Variants in PRIMPOL observed in about 807,000 individuals in gnomAD.
PRIMPOL encodes the protein primase and DNA directed polymerase.
PRIMPOL carries 54 observed loss-of-function variants against 63.6 expected under a neutral mutation model. That is an observed-to-expected ratio of 0.85 (90% CI 0.68 to 1.07). The LOEUF (loss-of-function observed/expected upper bound fraction) is 1.07, where lower values mean the gene tolerates loss of function less well. Among genes scored for constraint, PRIMPOL ranks in the 50% least tolerant of loss-of-function variants. The pLI is 0.00. For missense variants in PRIMPOL, 610 were observed against 648.3 expected (o/e 0.94, Z 0.64); for synonymous variants, 197 against 220.2 (o/e 0.89, Z 0.93).
Position 184,666,073 on chromosome 4 carries a change from A to C in PRIMPOL, c.556+9A>C. 1.3e-6 allele frequency: 2 copies of C among 1,579,208 alleles called. No individual in the cohort carries two copies. Among genetic ancestry groups the C allele is most frequent in the Non-Finnish European group, 1.7e-6 (2 of 1,165,992 alleles). On this transcript the variant is annotated intron_variant, in intron 6 of 13. Coordinates refer to ENST00000314970, the MANE Select transcript of PRIMPOL (RefSeq NM_152683.4). ...AGATAATATTCATGTTGGTAAGTAC[A>C]CGGCTTTTTAAAAATCATGGAGTTG... is the stretch of plus-strand genomic sequence containing the variant.
intron 8 of PRIMPOL, among the ~76,000 whole-genome samples, chr4:184,680,267 A>G (rs1313201212): frequency 2.0e-5 from 3 of 152,062 alleles, no homozygotes; most frequent in Non-Finnish European, 4.4e-5. Flanking sequence ...AGCTTACTGC[A>G]ACCTCTGCCT....
chr4:184,671,311 G>T (rs754803007), intron 6 of PRIMPOL, among the ~76,000 whole-genome samples: 2 of 152,148 alleles, frequency 1.3e-5, no homozygotes, highest in African/African-American at 2.4e-5. Flanking sequence ...TTTGCAGGGC[G>T]TGTCGTGGCA....
chr4:184,691,277 T>C, intron 11 of PRIMPOL: 1 of 466,208 alleles, frequency 2.1e-6, no homozygotes, highest in South Asian at 3.8e-5. Context: ...TACATCTTCC[T>C]GGGGGAACTT....
intron 4 of PRIMPOL, 143 bp downstream of exon 4, chr4:184,659,580 G>A (rs1747676305): frequency 1.5e-6 from 1 of 680,236 alleles, no homozygotes; most frequent in Admixed American, 2.8e-5. Context: ...GAATTCTGGA[G>A]TTTTCTTGTC....
intron 6 of PRIMPOL, among the ~76,000 whole-genome samples, chr4:184,667,402 C>G (rs1318271715): frequency 6.6e-6 from 1 of 152,088 alleles, no homozygotes; most frequent in Non-Finnish European, 1.5e-5. Context: ...CCTCCGCCTC[C>G]CGGGTTCAAG....
At chr4:184,650,733 A>G (rs1237390456) in intron 1 of PRIMPOL, among the ~76,000 whole-genome samples, 1 of 152,216 alleles carries the variant, frequency 6.6e-6, no homozygotes, top group African/African-American at 2.4e-5. Context: ...TCTGCATCAG[A>G]TTTCAAAAAG....
chr4:184,677,027 CCCCCTTCCCTTCCCTTCTCCCCTCCCCT>C (rs1194114552), intron 7 of PRIMPOL, among the ~76,000 whole-genome samples: 4 of 80,148 alleles, frequency 5.0e-5, no homozygotes, highest in Admixed American at 1.3e-4. Flanking sequence ...CTTCTCCCTT[CCCCCTTCCCTTCCCTTCTCCCCTCCCCT>C]TCCCCTTTCC....
At chr4:184,677,461 C>A (rs1434740879) in intron 7 of PRIMPOL, among the ~76,000 whole-genome samples, 1 of 152,138 alleles carries the variant, frequency 6.6e-6, no homozygotes, top group African/African-American at 2.4e-5. Flanking sequence ...TGTTTCTAGA[C>A]CCTGTTCTGC....
chr4:184,666,158 A>G (rs1749822430), intron 6 of PRIMPOL, 94 bp downstream of exon 6: 1 of 965,402 alleles, frequency 1.0e-6, no homozygotes, highest in Non-Finnish European at 1.5e-6. Flanking sequence ...ATCAAGTTTT[A>G]TGGTCATTAA....
intron 7 of PRIMPOL, among the ~76,000 whole-genome samples, chr4:184,674,117 C>T (rs1752675161): frequency 6.6e-6 from 1 of 152,158 alleles, no homozygotes; most frequent in Non-Finnish European, 1.5e-5. Flanking sequence ...CACAGTACCC[C>T]AGGTCACAGC....
At chr4:184,679,682 G>T (rs1451748021) in intron 8 of PRIMPOL, among the ~76,000 whole-genome samples, 1 of 152,188 alleles carries the variant, frequency 6.6e-6, no homozygotes, top group African/African-American at 2.4e-5. Flanking sequence ...CAGGAGGTGA[G>T]CAGTAGGCGA....
chr4:184,671,867 C>T (rs572263650), intron 6 of PRIMPOL, among the ~76,000 whole-genome samples: 1 of 151,410 alleles, frequency 6.6e-6, no homozygotes, highest in African/African-American at 2.4e-5. Flanking sequence ...CTCAGCCTCC[C>T]AAGTAGCTGG....
chr4:184,683,593 C>T (rs965856998), intron 9 of PRIMPOL, among the ~76,000 whole-genome samples: 19 of 152,164 alleles, frequency 1.2e-4, no homozygotes, highest in Admixed American at 1.2e-3. Flanking sequence ...GCTATTTAAC[C>T]TAGAAGAGCG....
At chr4:184,671,926 G>A (rs982380312) in intron 6 of PRIMPOL, among the ~76,000 whole-genome samples, 1 of 151,772 alleles carries the variant, frequency 6.6e-6, no homozygotes, top group Non-Finnish European at 1.5e-5. Context: ...ATTTTTAGTA[G>A]AGACGGGGTT....
At chr4:184,661,540 T>A (rs1383250180) in intron 4 of PRIMPOL, among the ~76,000 whole-genome samples, 1 of 152,068 alleles carries the variant, frequency 6.6e-6, no homozygotes, top group African/African-American at 2.4e-5. Context: ...AAACCCTGTC[T>A]ACTAAAAATG....
At chr4:184,654,980 C>G (rs1472104256) in intron 2 of PRIMPOL, among the ~76,000 whole-genome samples, 1 of 151,582 alleles carries the variant, frequency 6.6e-6, no homozygotes, top group Non-Finnish European at 1.5e-5. Context: ...TGTTTTTTTT[C>G]TAACAAGGTC....
At chr4:184,668,367 G>A (rs1164071734) in intron 6 of PRIMPOL, among the ~76,000 whole-genome samples, 1 of 152,242 alleles carries the variant, frequency 6.6e-6, no homozygotes, top group Admixed American at 6.5e-5. Flanking sequence ...CAGTCAGCTG[G>A]CTAGAGTGCG....
At chr4:184,659,118 A>G (rs962526709) in intron 3 of PRIMPOL, among the ~76,000 whole-genome samples, 7 of 152,176 alleles carry the variant, frequency 4.6e-5, no homozygotes, top group Non-Finnish European at 1.0e-4. Flanking sequence ...TGCATATTCT[A>G]ATTGTTTTCA....
At chr4:184,671,397 C>A (rs1250044730) in intron 6 of PRIMPOL, among the ~76,000 whole-genome samples, 1 of 152,090 alleles carries the variant, frequency 6.6e-6, no homozygotes, top group Non-Finnish European at 1.5e-5. Flanking sequence ...GTGCTTCTGT[C>A]TGTTAGCTGA....
Sources: gnomAD v4.1 joint callset for allele counts (sites outside exome capture counted in the v4.1 genomes callset) on GRCh38, gnomAD v4.1.1 for gene constraint, MANE v1.5 for transcripts, NCBI Gene and HGNC (gene_info 2026-07-23, HGNC 2026-07-21) for gene names.